The following STOX2 variants were observed in gnomAD, a reference collection of about 807,000 sequenced individuals.
STOX2 encodes the protein storkhead-box protein 2.
STOX2 carries 28 observed loss-of-function variants against 60.9 expected under a neutral mutation model. The ratio of observed to expected loss-of-function variants is 0.46; its 90% CI spans 0.34 to 0.63. The LOEUF (loss-of-function observed/expected upper bound fraction) is 0.63, where lower values mean the gene tolerates loss of function less well. STOX2 is among the 30% of genes least tolerant of loss of function. The pLI is 0.01. For missense variants in STOX2, 1,024 were observed against 1,187.7 expected (o/e 0.86, Z 2.03); for synonymous variants, 472 against 463.9 (o/e 1.02, Z -0.22).
At position 184,011,867 on chromosome 4, in the gene STOX2, A is replaced by C. The variant is rs1579553680; in HGVS notation, c.2585+444A>C. ...TAAGATAGGGGTCCCTGTAGTGAAA[A>C]TATAATAGCAGATCTCAAAACCTCT... On this transcript the variant is annotated intron_variant, in intron 3 of 3. Coordinates refer to ENST00000308497, the MANE Select transcript of STOX2 (RefSeq NM_020225.3). The surrounding 1 kb of genome is among the most constrained non-coding windows in gnomAD (Gnocchi z 4.4). Among the ~76,000 whole-genome samples, 1 of 152,186 alleles carries C rather than the reference A, an allele frequency of 6.6e-6. No individual in the cohort carries two copies. The highest frequency in any genetic ancestry group is 2.4e-5 in the African/African-American group (1 of 41,432).
chr4:183,812,583 A>G (rs1267082401), intron 1 of STOX2, among the ~76,000 whole-genome samples: 1 of 151,968 alleles, frequency 6.6e-6, no homozygotes, highest in Non-Finnish European at 1.5e-5. Context: ...GCAGCTCAAC[A>G]TGAATTGGTG....
At chr4:183,883,338 G>A (rs1344574282) in intron 1 of STOX2, among the ~76,000 whole-genome samples, 2 of 75,394 alleles carry the variant, frequency 2.7e-5, no homozygotes, top group African/African-American at 5.0e-5. Flanking sequence ...TTTTTTTTTT[G>A]AGACAGAGTC....
rs1321577749 is a variant in STOX2, at chr4:184,010,441, C to T, written c.1603C>T (p.Pro535Ser). The T allele has an allele frequency of 6.2e-7, 1 of 1,613,726 alleles. No individual in the cohort carries two copies. Among genetic ancestry groups the T allele is most frequent in the Non-Finnish European group, 8.5e-7 (1 of 1,179,868 alleles). Residue 535 changes from proline (P) to serine (S), a missense_variant, in exon 3 of 4, where the codon CCT becomes TCT. Physicochemically the swap from Pro to Ser is moderately conservative, Grantham distance 74 (BLOSUM62 -1). Around this residue, in one of 3 missense-constraint regions of STOX2, gnomAD observed 922 missense variants for 1,058.3 expected, o/e 0.87. Transcript: ENST00000308497. This position sits in a 1 kb window ranked among gnomAD's most constrained non-coding sequence, Gnocchi z 4.5. The stretch of plus-strand genomic sequence containing the variant: ...CTACATTGACGACAGTACTTTAAGG[C>T]CTGCACAGACCGTTAGTCTCCAAAG... Reference protein sequence around the residue: ...QSYIDDSTLRPAQTVSLQRAH... With the variant: ...QSYIDDSTLRSAQTVSLQRAH...
intron 1 of STOX2, among the ~76,000 whole-genome samples, chr4:183,814,244 T>C (rs560141908): frequency 6.6e-6 from 1 of 152,298 alleles, no homozygotes; most frequent in Non-Finnish European, 1.5e-5. Context: ...AGAAAAGTGC[T>C]TATGATATAT....
At chr4:183,879,222 C>T (rs554898751) in intron 1 of STOX2, among the ~76,000 whole-genome samples, 27 of 152,318 alleles carry the variant, frequency 1.8e-4, no homozygotes, top group Non-Finnish European at 2.8e-4. Flanking sequence ...GGCATGTCCC[C>T]GGGCTCACTG....
chr4:183,947,079 TG>T (rs998005093), intron 1 of STOX2, among the ~76,000 whole-genome samples: 4 of 38,480 alleles, frequency 1.0e-4, no homozygotes, highest in East Asian at 5.3e-3. Context: ...GGTATCCTGG[TG>T]GGGGGTGGGG....
At chr4:183,800,182 C>T (rs1738727725) in intron 1 of STOX2, among the ~76,000 whole-genome samples, 1 of 35,900 alleles carries the variant, frequency 2.8e-5, no homozygotes, top group Non-Finnish European at 5.8e-5. Context: ...ATATCTGCTG[C>T]AGGCTTCCTC....
At chr4:183,845,310 G>T (rs1204246173) in intron 1 of STOX2, among the ~76,000 whole-genome samples, 1 of 152,122 alleles carries the variant, frequency 6.6e-6, no homozygotes. Flanking sequence ...ATCCAGAGCC[G>T]GAAAAGCTTC....
At chr4:184,004,860 G>A (rs1321166348) in intron 2 of STOX2, among the ~76,000 whole-genome samples, 1 of 152,204 alleles carries the variant, frequency 6.6e-6, no homozygotes, top group Non-Finnish European at 1.5e-5. Context: ...CTGTTAAGCT[G>A]TTACAACTGA....
intron 1 of STOX2, among the ~76,000 whole-genome samples, chr4:183,873,228 A>G (rs969358855): frequency 2.0e-5 from 3 of 152,132 alleles, no homozygotes; most frequent in Non-Finnish European, 4.4e-5. Context: ...TGGGCGGATC[A>G]CCTGAGGTCG....
intron 1 of STOX2, among the ~76,000 whole-genome samples, chr4:183,962,952 T>C (rs1743454092): frequency 1.3e-5 from 2 of 152,232 alleles, no homozygotes; most frequent in South Asian, 4.1e-4. Context: ...AAAGTTCTTT[T>C]GAAGATAGGC....
chr4:183,991,537 C>T (rs1209977785), intron 1 of STOX2, among the ~76,000 whole-genome samples: 2 of 151,828 alleles, frequency 1.3e-5, no homozygotes, highest in African/African-American at 4.8e-5. Context: ...AAGTGATTCT[C>T]CCGCCTCAGC....
In STOX2 at chr4:183,830,693, C is replaced by G. The variant is rs115606475; in HGVS notation, c.364+32638C>G. On this transcript the variant is annotated intron_variant, in intron 1 of 2. Coordinates refer to the STOX2 transcript ENST00000513034. ...GAAATTAGCTGGGATGAAAACATAC[C>G]TTTCATCATAGGCCAATGGCTCATT... Among the ~76,000 whole-genome samples the G allele has an allele frequency of 7.3e-3, 1,111 of 152,174 alleles. 13 individuals are homozygous for G. The highest frequency in any genetic ancestry group is 0.026 in the African/African-American group (1,067 of 41,516).
At chr4:183,917,618 A>G (rs1579414252) in intron 1 of STOX2, among the ~76,000 whole-genome samples, 1 of 152,248 alleles carries the variant, frequency 6.6e-6, no homozygotes, top group Non-Finnish European at 1.5e-5. Context: ...AATGTAGACA[A>G]GGGGCAGATG....
At chr4:183,898,777 A>G (rs1191734584) in intron 1 of STOX2, among the ~76,000 whole-genome samples, 2 of 152,134 alleles carry the variant, frequency 1.3e-5, no homozygotes, top group African/African-American at 2.4e-5. Flanking sequence ...CATGAAACCA[A>G]ATAAGGATGA....
Position 183,922,491 on chromosome 4 carries a change from G to GC in STOX2, c.166+15541dup, listed in dbSNP as rs1033661047. Among the ~76,000 whole-genome samples, 19 of 151,728 alleles carry GC rather than the reference G, an allele frequency of 1.3e-4. No individual in the cohort carries two copies. In the East Asian group the frequency reaches 2.3e-3, roughly 19 times the overall value. ...CTCCCGAGTAGCTGGGATTACAGGC[G>GC]CCCCCCACCACGCCCGGCTAATTTT... On this transcript the variant is annotated intron_variant, in intron 1 of 3. Coordinates refer to ENST00000308497, the MANE Select transcript of STOX2 (RefSeq NM_020225.3).
chr4:183,903,447 A>G (rs1399202845), upstream of STOX2, among the ~76,000 whole-genome samples: 1 of 152,148 alleles, frequency 6.6e-6, no homozygotes, highest in Non-Finnish European at 1.5e-5. Context: ...ATTGTTCTTC[A>G]TAGAACTTAG....
intron 1 of STOX2, among the ~76,000 whole-genome samples, chr4:183,843,147 C>CAAAAAA (rs60213127): frequency 2.3e-4 from 23 of 101,920 alleles, no homozygotes; most frequent in Admixed American, 3.1e-4. Context: ...GACTCCATCT[C>CAAAAAA]AAAAAAAAAA....
chr4:183,855,829 G>A (rs1433527029), intron 1 of STOX2, among the ~76,000 whole-genome samples: 4 of 152,212 alleles, frequency 2.6e-5, no homozygotes, highest in African/African-American at 9.7e-5. Flanking sequence ...GTGCAAATGT[G>A]GGGCAAGTGC....
Sources: allele counts gnomAD v4.1 joint callset (sites outside exome capture counted in the v4.1 genomes callset), GRCh38; gene constraint gnomAD v4.1.1; regional missense constraint gnomAD v4.1.1; non-coding constraint Gnocchi (gnomAD v3.1); transcripts MANE v1.5; gene names NCBI Gene and HGNC (gene_info 2026-07-23, HGNC 2026-07-21).